Variants in VRK2 observed in about 807,000 individuals in gnomAD.
VRK2 encodes the protein serine/threonine-protein kinase VRK2.
In VRK2, 60 loss-of-function variants were observed where a neutral mutation model predicts 57.6. The ratio of observed to expected loss-of-function variants is 1.04; its 90% CI spans 0.85 to 1.29. The LOEUF is 1.29. VRK2 is among the 50% of genes most tolerant of loss of function. VRK2 has a pLI of 0.00. For missense variants in VRK2, 705 were observed against 588.1 expected, an observed-to-expected ratio of 1.20 and a Z score of -2.06; for synonymous variants, 231 against 199.2, an observed-to-expected ratio of 1.16 and a Z score of -1.35.
rs141585816 is a variant in VRK2 at position 58,158,375 on chromosome 2, C to G, written c.1183-974C>G. On this transcript the variant is annotated intron_variant, in intron 12 of 12. Coordinates refer to ENST00000340157, the MANE Select transcript of VRK2 (RefSeq NM_006296.7). The stretch of plus-strand genomic sequence containing the variant: ...ATTTAACTCTCAAGTAATTTTTTTT[C>G]ATAGGAAAGCTAGTAGTTTTTAAAA... Among the ~76,000 whole-genome samples the G allele has an allele frequency of 4.0e-3, 607 of 151,868 alleles. 6 individuals are homozygous for G. Among genetic ancestry groups the G allele is most frequent in the African/African-American group, 0.014 (566 of 41,444 alleles).
chr2:57,921,755 T>C lies in VRK2; in HGVS notation c.-439+13916T>C, dbSNP rs1022358859. On this transcript the variant is annotated intron_variant, in intron 1 of 15. Coordinates refer to the VRK2 transcript ENST00000417641. ...TTGTTAGGATTCTAAAACAACAGAA[T>C]TAGCCATAAGCTAGGAGTTGCTATG... Among the ~76,000 whole-genome samples the C allele has an allele frequency of 7.2e-5, 11 of 152,104 alleles. 1 individual carries two copies. Among genetic ancestry groups the C allele is most frequent in the Admixed American group, 3.3e-4 (5 of 15,248 alleles).
chr2:58,107,924 G>A (rs1674993123), intron 7 of VRK2, among the ~76,000 whole-genome samples: 1 of 152,046 alleles, frequency 6.6e-6, no homozygotes, highest in African/African-American at 2.4e-5. Context: ...CTGGCTGCTT[G>A]CTACTCAGGA....
chr2:58,159,469 G>C lies in VRK2; in HGVS notation c.1303G>C (p.Asp435His). Reference protein sequence around the residue: ...FPNSFYEPHQDFTSPDIFKKS... With the variant: ...FPNSFYEPHQHFTSPDIFKKS... ...AAACTCATTTTATGAGCCTCATCAA[G>C]ATTTTACCAGTCCAGATATATTCAA... The change falls in exon 13 of 13, where the codon GAT becomes CAT. Residue 435 changes from aspartate (D) to histidine (H), a missense_variant. Asp to His is a moderately conservative substitution (Grantham distance 81). Transcript: ENST00000340157. The C allele has an allele frequency of 1.2e-6, 2 of 1,613,616 alleles. No homozygotes were observed. The highest frequency in any genetic ancestry group is 1.7e-6 in the Non-Finnish European group (2 of 1,179,756).
chr2:58,015,897 T>C (rs1455689119), intron 1 of VRK2, among the ~76,000 whole-genome samples: 1 of 152,194 alleles, frequency 6.6e-6, no homozygotes, highest in Non-Finnish European at 1.5e-5. Flanking sequence ...TTGATTTTTA[T>C]ACAGATCAAT....
intron 1 of VRK2, among the ~76,000 whole-genome samples, chr2:57,957,647 C>CAGAA (rs1671629296): frequency 1.4e-5 from 2 of 138,338 alleles, no homozygotes; most frequent in African/African-American, 5.6e-5. Context: ...TATATATATC[C>CAGAA]ATATAGATAT....
intron 1 of VRK2, among the ~76,000 whole-genome samples, chr2:57,945,702 A>G (rs1239174081): frequency 6.6e-6 from 1 of 152,166 alleles, no homozygotes; most frequent in Admixed American, 6.5e-5. Flanking sequence ...ATGGACATGG[A>G]TGTATACTCC....
intron 1 of VRK2, among the ~76,000 whole-genome samples, chr2:57,923,235 C>T (rs1319776862): frequency 6.6e-6 from 1 of 152,080 alleles, no homozygotes; most frequent in African/African-American, 2.4e-5. Flanking sequence ...GGGATATATA[C>T]CTAGCTGTGA....
chr2:58,009,767 C>A (rs1250563429), intron 1 of VRK2, among the ~76,000 whole-genome samples: 1 of 151,662 alleles, frequency 6.6e-6, no homozygotes, highest in Admixed American at 6.6e-5. Context: ...AATTTTGTTT[C>A]CCATTTAGAT....
At chr2:58,045,197 T>G (rs937030081), upstream of VRK2, among the ~76,000 whole-genome samples, 5 of 152,162 alleles carry the variant, frequency 3.3e-5, no homozygotes, top group East Asian at 1.9e-4. Flanking sequence ...ATAAAACATT[T>G]AGGAGGGTAA....
chr2:58,066,140 A>G lies in VRK2; in HGVS notation c.136+17173A>G, dbSNP rs141102350. 6.6e-5 allele frequency among the ~76,000 whole-genome samples: 10 copies of G among 152,266 alleles called. No homozygotes were observed. The East Asian group carries it at 1.2e-3, about 18-fold the overall frequency. Reference sequence around the variant, plus strand: ...CGCTGGCTAGGACTTACAGTGATTTATTGAATAGAAATAGCGAGAGTGCTC... The same window carrying G: ...CGCTGGCTAGGACTTACAGTGATTTGTTGAATAGAAATAGCGAGAGTGCTC... On this transcript the variant is annotated intron_variant, in intron 2 of 12. Coordinates refer to ENST00000340157, the MANE Select transcript of VRK2 (RefSeq NM_006296.7).
At chr2:57,996,511 G>A (rs991038456) in intron 1 of VRK2, among the ~76,000 whole-genome samples, 1 of 152,208 alleles carries the variant, frequency 6.6e-6, no homozygotes, top group Non-Finnish European at 1.5e-5. Flanking sequence ...GTCATATCCT[G>A]AAGGAAGTCA....
upstream of VRK2, among the ~76,000 whole-genome samples, chr2:58,041,936 G>A (rs1039352940): frequency 6.6e-6 from 1 of 151,524 alleles, no homozygotes; most frequent in African/African-American, 2.4e-5. Context: ...TCAAGCTGTC[G>A]GGCCTTTCCA....
At chr2:58,098,065 T>G (rs114947298) in intron 7 of VRK2, among the ~76,000 whole-genome samples, 2,179 of 151,950 alleles carry the variant, frequency 0.014, 53 homozygotes, top group African/African-American at 0.049. Flanking sequence ...TCACCATGTG[T>G]AGGTCTAGGC....
chr2:58,014,405 T>C (rs1673512639), intron 1 of VRK2, among the ~76,000 whole-genome samples: 1 of 152,206 alleles, frequency 6.6e-6, no homozygotes, highest in Non-Finnish European at 1.5e-5. Context: ...TTTCAAGATA[T>C]GGGGAAAAGA....
intron 1 of VRK2, among the ~76,000 whole-genome samples, chr2:58,005,096 A>T (rs13009119): frequency 1.3e-5 from 2 of 152,182 alleles, no homozygotes; most frequent in African/African-American, 4.8e-5. Context: ...TTTAATTATC[A>T]TCTAGAAAAT....
intron 2 of VRK2, among the ~76,000 whole-genome samples, chr2:58,052,924 C>A (rs1316774638): frequency 6.6e-6 from 1 of 152,166 alleles, no homozygotes; most frequent in Non-Finnish European, 1.5e-5. Flanking sequence ...TAGCCACATT[C>A]TTTTGAAGGC....
intron 1 of VRK2, among the ~76,000 whole-genome samples, chr2:57,992,189 G>A (rs1478724293): frequency 6.6e-6 from 1 of 152,144 alleles, no homozygotes; most frequent in Non-Finnish European, 1.5e-5. Context: ...AGTTTATGAA[G>A]AGAAGATATT....
At chr2:58,074,893 T>C (rs1297740148) in intron 2 of VRK2, among the ~76,000 whole-genome samples, 3 of 152,068 alleles carry the variant, frequency 2.0e-5, no homozygotes, top group African/African-American at 7.2e-5. Context: ...TTTTATTATT[T>C]AGTTTCTTTC....
At chr2:57,929,926 G>A (rs1285051296) in intron 1 of VRK2, among the ~76,000 whole-genome samples, 1 of 152,066 alleles carries the variant, frequency 6.6e-6, no homozygotes, top group East Asian at 1.9e-4. Context: ...AGCTGAGCTA[G>A]TATCCAGCTT....
Sources: allele counts gnomAD v4.1 joint callset (sites outside exome capture counted in the v4.1 genomes callset), GRCh38; gene constraint gnomAD v4.1.1; transcripts MANE v1.5; gene names NCBI Gene and HGNC (gene_info 2026-07-23, HGNC 2026-07-21).